The following HOMER2 variants were observed in gnomAD, a reference collection of about 807,000 sequenced individuals.
HOMER2 encodes homer protein homolog 2.
In HOMER2, 27 loss-of-function variants were observed where a neutral mutation model predicts 47.0. The ratio of observed to expected loss-of-function variants is 0.57; its 90% confidence interval spans 0.42 to 0.79. The LOEUF (loss-of-function observed/expected upper bound fraction) is 0.79, where lower values mean the gene tolerates loss of function less well. Among genes scored for constraint, HOMER2 ranks in the 30% least tolerant of loss-of-function variants. The probability of loss-of-function intolerance (pLI) is 0.00; values close to 1 mark genes in which losing one functional copy is unlikely to be tolerated. For missense variants in HOMER2, 443 were observed against 435.0 expected (o/e 1.02, Z -0.16); for synonymous variants, 161 against 163.8 (o/e 0.98, Z 0.13).
chr15:82,932,993 C>T (rs993557681), intron 1 of HOMER2, among the ~76,000 whole-genome samples: 4 of 152,118 alleles, frequency 2.6e-5, no homozygotes, highest in East Asian at 1.9e-4. Flanking sequence ...TGGTAATCTA[C>T]AGGGGGGCGG....
intron 1 of HOMER2, among the ~76,000 whole-genome samples, chr15:82,975,373 A>G (rs571609483): frequency 6.6e-6 from 1 of 151,360 alleles, no homozygotes; most frequent in Non-Finnish European, 1.5e-5. Context: ...TATACCCAAA[A>G]GAAAGGAAAT....
intron 1 of HOMER2, among the ~76,000 whole-genome samples, chr15:82,977,875 G>A (rs1187092456): frequency 6.6e-6 from 1 of 152,120 alleles, no homozygotes; most frequent in African/African-American, 2.4e-5. Flanking sequence ...GGCCGGGCAC[G>A]GTGGATCACA....
At chr15:82,969,869 G>T (rs1406929120) in intron 1 of HOMER2, among the ~76,000 whole-genome samples, 66 of 152,176 alleles carry the variant, frequency 4.3e-4, no homozygotes, top group Admixed American at 4.3e-3. Flanking sequence ...AAATGAAATA[G>T]AGGAAAATTA....
At chr15:82,963,614 G>T (rs1177289505) in intron 1 of HOMER2, among the ~76,000 whole-genome samples, 1 of 152,220 alleles carries the variant, frequency 6.6e-6, no homozygotes, top group Non-Finnish European at 1.5e-5. Flanking sequence ...GGGATGGGGT[G>T]TGGGAATATG....
At chr15:82,893,052 C>A (rs187105635) in intron 1 of HOMER2, among the ~76,000 whole-genome samples, 1 of 152,290 alleles carries the variant, frequency 6.6e-6, no homozygotes, top group African/African-American at 2.4e-5. Context: ...TAGCTGTTAT[C>A]CCGAGACTGC....
chr15:82,863,445 T>C (rs2051859527), intron 4 of HOMER2, among the ~76,000 whole-genome samples: 1 of 152,166 alleles, frequency 6.6e-6, no homozygotes, highest in African/African-American at 2.4e-5. Context: ...CAAGCACATC[T>C]CAACGCCTCC....
chr15:82,931,792 C>T (rs1427659824), intron 1 of HOMER2, among the ~76,000 whole-genome samples: 2 of 152,140 alleles, frequency 1.3e-5, no homozygotes, highest in Non-Finnish European at 2.9e-5. Context: ...GAGCCGAGAT[C>T]GCGCCACTGC....
At chr15:82,918,907 G>A (rs1057371286) in intron 1 of HOMER2, among the ~76,000 whole-genome samples, 2 of 152,178 alleles carry the variant, frequency 1.3e-5, no homozygotes. Flanking sequence ...TGAAAGACAC[G>A]CAGACTCATT....
chr15:82,900,189 G>A (rs955247096), intron 1 of HOMER2, among the ~76,000 whole-genome samples: 4 of 152,146 alleles, frequency 2.6e-5, no homozygotes, highest in Admixed American at 1.3e-4. Flanking sequence ...CAGCCACTCA[G>A]GAGGCTGAGG....
At chr15:82,884,778 T>C (rs1191473089) in intron 2 of HOMER2, among the ~76,000 whole-genome samples, 1 of 48,428 alleles carries the variant, frequency 2.1e-5, no homozygotes, top group African/African-American at 1.4e-4. Flanking sequence ...CTTATCAGCT[T>C]AAGGAGATTT....
intron 2 of HOMER2, among the ~76,000 whole-genome samples, chr15:82,881,183 G>C (rs538681376): frequency 1.3e-5 from 2 of 152,220 alleles, no homozygotes; most frequent in African/African-American, 4.8e-5. Context: ...CCTAGTAAAA[G>C]ACCCAGTCCT....
chr15:82,984,776 A>G (rs904069349), intron 1 of HOMER2, among the ~76,000 whole-genome samples: 2 of 152,208 alleles, frequency 1.3e-5, no homozygotes, highest in Non-Finnish European at 2.9e-5. Flanking sequence ...TGACCACGTC[A>G]CTGCACTCCA....
intron 4 of HOMER2, among the ~76,000 whole-genome samples, chr15:82,860,485 A>G (rs1460049790): frequency 2.6e-5 from 4 of 152,194 alleles, no homozygotes; most frequent in Non-Finnish European, 4.4e-5. Flanking sequence ...CTAGATTTGC[A>G]TATGTTCACA....
chr15:82,914,940 T>G (rs2053545732), intron 1 of HOMER2, among the ~76,000 whole-genome samples: 1 of 152,028 alleles, frequency 6.6e-6, no homozygotes, highest in Admixed American at 6.6e-5. Flanking sequence ...CCTTAGCGCC[T>G]TGGGAAGCCG....
chr15:82,908,747 TA>T (rs145654945), intron 1 of HOMER2, among the ~76,000 whole-genome samples: 22,487 of 148,406 alleles, frequency 0.15, 2,093 homozygotes, highest in South Asian at 0.33. Flanking sequence ...GCTTTTTTTT[TA>T]AAAAAAAAAA....
chr15:82,902,037 C>T (rs1363311028), intron 1 of HOMER2, among the ~76,000 whole-genome samples: 2 of 152,114 alleles, frequency 1.3e-5, no homozygotes, highest in African/African-American at 4.8e-5. Flanking sequence ...AGGATTTCAA[C>T]ATATATTTGT....
intron 1 of HOMER2, among the ~76,000 whole-genome samples, chr15:82,967,211 A>C (rs1440170211): frequency 6.6e-6 from 1 of 152,046 alleles, no homozygotes; most frequent in Non-Finnish European, 1.5e-5. Flanking sequence ...TGACTGCCCC[A>C]CTCCACTCCA....
downstream of HOMER2, among the ~76,000 whole-genome samples, chr15:82,847,713 G>A (rs1029894355): frequency 6.6e-6 from 1 of 152,218 alleles, no homozygotes; most frequent in African/African-American, 2.4e-5. Context: ...AAAGGCAGAG[G>A]TCATCTGAAG....
At chr15:82,917,003 T>C (rs907371251) in intron 1 of HOMER2, among the ~76,000 whole-genome samples, 11 of 152,190 alleles carry the variant, frequency 7.2e-5, no homozygotes, top group Admixed American at 2.0e-4. Context: ...GGTTTCACCA[T>C]GTTGGCCAGG....
Sources: allele counts gnomAD v4.1 joint callset (sites outside exome capture counted in the v4.1 genomes callset), GRCh38; gene constraint gnomAD v4.1.1; transcripts MANE v1.5; gene names NCBI Gene and HGNC (gene_info 2026-07-23, HGNC 2026-07-21).